Variants in CST4 observed in about 807,000 individuals in gnomAD.
CST4 encodes the protein cystatin-S.
CST4 carries 17 observed loss-of-function variants against 11.2 expected under a neutral mutation model. The ratio of observed to expected loss-of-function variants is 1.52; its 90% CI spans 1.04 to 2.27. The LOEUF (loss-of-function observed/expected upper bound fraction) is 2.27. CST4 is among the 30% of genes most tolerant of loss of function. CST4 has a pLI of 0.00. For synonymous variants in CST4, 93 were observed against 70.1 expected (o/e 1.33, Z -1.63); for missense variants, 251 against 180.2 (o/e 1.39, Z -2.25).
intron 2 of CST4, among the ~76,000 whole-genome samples, chr20:23,686,725 C>T (rs530250121): frequency 7.9e-5 from 12 of 152,220 alleles, no homozygotes; most frequent in Admixed American, 2.0e-4. Flanking sequence ...ACATCACCCC[C>T]TCCCTCACCA....
At chr20:23,686,834 A>G (rs1981058978) in intron 2 of CST4, among the ~76,000 whole-genome samples, 2 of 151,926 alleles carry the variant, frequency 1.3e-5, no homozygotes, top group South Asian at 4.1e-4. Flanking sequence ...ACACACCCAC[A>G]CACAGGCACA....
rs1319777885 is a variant in CST4, at chr20:23,687,199, G to T, written c.231C>A (p.Thr77=). The T allele has an allele frequency of 2.5e-6, 4 of 1,613,716 alleles. No homozygotes were observed. Among genetic ancestry groups the T allele is most frequent in the Non-Finnish European group, 3.4e-6 (4 of 1,180,018 alleles). Residue 77 remains threonine (T), a splice_region_variant and synonymous_variant, in exon 2 of 3, where the codon ACC becomes ACA. Transcript: ENST00000217423. The part of the protein sequence containing the change: ...PLQVLRAREQ[T]FGGVNYFFDV... ...CGAAGAAGTAATTCACCCCCCCAAA[G>T]GTCTGCACACAGGAGAAAACAGGAA... is the stretch of plus-strand genomic sequence containing the variant.
chr20:23,688,699 C>T, intron 1 of CST4, 43 bp downstream of exon 1: 1 of 1,595,546 alleles, frequency 6.3e-7, no homozygotes, highest in Non-Finnish European at 8.6e-7. Context: ...CGGCAACAAA[C>T]CAGGCTAGGG....
chr20:23,685,796 G>A lies in CST4; in HGVS notation c.*98C>T. 2.4e-6 allele frequency: 3 copies of A among 1,267,392 alleles called. No homozygotes were observed. The highest frequency in any genetic ancestry group is 3.4e-6 in the Non-Finnish European group (3 of 884,990). The allele number at this position is 1,267,392 out of a possible 1,614,324, so 78.5% of individuals were successfully genotyped here. A position where few individuals can be genotyped will look rare whatever the true frequency, so the allele number is the denominator to read the frequency against. ...CTGTCTCTTGGCACAGGCACATGGGGAGGCCTCCCGCAGGGTGGGGGCCAC... is the reference window on the plus strand; with the variant it reads ...CTGTCTCTTGGCACAGGCACATGGGAAGGCCTCCCGCAGGGTGGGGGCCAC... On this transcript the variant is annotated 3_prime_UTR_variant, in exon 3 of 3. Transcript: ENST00000217423.
Position 23,685,646 on chromosome 20 carries a change from G to T in CST4, c.*248C>A, listed in dbSNP as rs191804321. The T allele has an allele frequency of 1.8e-4, 101 of 559,160 alleles. No individual in the cohort carries two copies. In the East Asian group the frequency reaches 2.4e-3, roughly 13 times the overall value. 34.6% of individuals were successfully genotyped at this position (559,160 alleles called of 1,614,324 possible). On this transcript the variant is annotated 3_prime_UTR_variant, in exon 3 of 3. Transcript: ENST00000217423. Reference sequence around the variant, plus strand: ...AGCCAAGAACTCAGAGGGAGGCGATGCTACTGTTTAATTGCAGGAGGTGGG... The same window carrying T: ...AGCCAAGAACTCAGAGGGAGGCGATTCTACTGTTTAATTGCAGGAGGTGGG...
At chr20:23,688,685 G>A in intron 1 of CST4, 57 bp downstream of exon 1, 1 of 1,516,364 alleles carries the variant, frequency 6.6e-7, no homozygotes. Context: ...TGCTCTTGGG[G>A]GTCCGGCAAC....
intron 2 of CST4, among the ~76,000 whole-genome samples, chr20:23,686,392 G>A (rs1199890034): frequency 6.6e-6 from 1 of 152,150 alleles, no homozygotes; most frequent in Non-Finnish European, 1.5e-5. Context: ...AAGAGCTGGG[G>A]CATGGGTCAA....
At chr20:23,688,238 A>G (rs1330143964) in intron 1 of CST4, among the ~76,000 whole-genome samples, 1 of 152,222 alleles carries the variant, frequency 6.6e-6, no homozygotes, top group African/African-American at 2.4e-5. Flanking sequence ...GGACTCAGCC[A>G]TCCTGGCCTG....
chr20:23,688,289 C>T (rs1032135748), intron 1 of CST4, among the ~76,000 whole-genome samples: 1 of 152,220 alleles, frequency 6.6e-6, no homozygotes, highest in Non-Finnish European at 1.5e-5. Flanking sequence ...GGCCACTAGC[C>T]CTAAGGGGCT....
chr20:23,687,997 C>A (rs1981102390), intron 1 of CST4, among the ~76,000 whole-genome samples: 1 of 152,206 alleles, frequency 6.6e-6, no homozygotes, highest in Non-Finnish European at 1.5e-5. Context: ...AGAAACGGGA[C>A]TGGTCTGGAT....
At position 23,688,808 on chromosome 20, in the gene CST4, C is replaced by T. The variant is rs1208206903; in HGVS notation, c.162G>A (p.Glu54=). ...ACTCATCTTCGGTGGCCTTGTTGTACTCGCTGATGGCGAAGTGAAGGGCAC... is the reference window on the plus strand; with the variant it reads ...ACTCATCTTCGGTGGCCTTGTTGTATTCGCTGATGGCGAAGTGAAGGGCAC... ...VQRALHFAIS[E]YNKATEDEYY... Residue 54 remains glutamate, a synonymous_variant, in exon 1 of 3, where the codon GAG becomes GAA. Transcript: ENST00000217423. 1 of 1,614,060 alleles carries T rather than the reference C, an allele frequency of 6.2e-7. No individual in the cohort carries two copies. The highest frequency in any genetic ancestry group is 1.7e-5 in the Admixed American group (1 of 60,008).
intron 2 of CST4, 76 bp from the exon 3 acceptor site, chr20:23,686,053 C>G (rs2282378): frequency 0.41 from 599,545 of 1,468,442 alleles, 133,069 homozygotes; most frequent in African/African-American, 0.84. Flanking sequence ...TGAGATGTCA[C>G]AGCCTGGGTG....
chr20:23,688,891 TCTC>T lies in CST4; in HGVS notation c.76_78del (p.Glu26del), dbSNP rs763634501. 3.1e-6 allele frequency: 5 copies of T among 1,614,044 alleles called. No individual in the cohort carries two copies. Among genetic ancestry groups the T allele is most frequent in the East Asian group, 4.5e-5 (2 of 44,844 alleles). ...TAGATGCCACCTGGGATTATCCTAT[TCTC>T]CTCCTTGGAGCTCGAGGCCAGAGCC... is the stretch of plus-strand genomic sequence containing the variant. On this transcript the variant is annotated inframe_deletion, in exon 1 of 3. Transcript: ENST00000217423.
Position 23,688,925 on chromosome 20 carries a change from CAGG to C in CST4, c.42_44del (p.Leu15del). Reference sequence around the variant, plus strand: ...TGGAGCTCGAGGCCAGAGCCCCAGCCAGGGTAGCCATCAGGAGTAGCAGGGTAC... The same window carrying C: ...TGGAGCTCGAGGCCAGAGCCCCAGCCGTAGCCATCAGGAGTAGCAGGGTAC... On this transcript the variant is annotated inframe_deletion, in exon 1 of 3. Coordinates refer to ENST00000217423, the MANE Select transcript of CST4 (RefSeq NM_001899.3). The C allele has an allele frequency of 6.2e-7, 1 of 1,613,886 alleles. No homozygotes were observed. Among genetic ancestry groups the C allele is most frequent in the East Asian group, 2.2e-5 (1 of 44,862 alleles).
At chr20:23,687,724 C>A (rs766859422) in intron 1 of CST4, among the ~76,000 whole-genome samples, 7 of 152,222 alleles carry the variant, frequency 4.6e-5, no homozygotes, top group Non-Finnish European at 4.4e-5. Flanking sequence ...CTGCACAGGG[C>A]CTCTCCCAGA....
At chr20:23,686,117 G>A in intron 2 of CST4, 140 bp from the exon 3 acceptor site, 2 of 873,986 alleles carry the variant, frequency 2.3e-6, no homozygotes, top group Non-Finnish European at 3.7e-6. Context: ...GAGTCCCAGA[G>A]CACTGAACTA....
chr20:23,687,865 C>A (rs1600383750), intron 1 of CST4, among the ~76,000 whole-genome samples: 1 of 152,198 alleles, frequency 6.6e-6, no homozygotes, highest in East Asian at 1.9e-4. Flanking sequence ...GTCTGCAATG[C>A]CCTGTGCTTC....
In CST4 at chr20:23,688,926, A is replaced by T. The variant is rs1192824277; in HGVS notation, c.44T>A (p.Leu15Gln). 2 of 1,614,162 alleles carry T rather than the reference A, an allele frequency of 1.2e-6. No individual in the cohort carries two copies. The highest frequency in any genetic ancestry group is 1.3e-5 in the African/African-American group (1 of 75,050). Reference protein sequence around the residue: ...LCTLLLLMATLAGALASSSKE... With the variant: ...LCTLLLLMATQAGALASSSKE... ...GGAGCTCGAGGCCAGAGCCCCAGCC[A>T]GGGTAGCCATCAGGAGTAGCAGGGT... The change falls in exon 1 of 3, where the codon CTG becomes CAG. Residue 15 changes from leucine (L) to glutamine (Q), a missense_variant. Coordinates refer to ENST00000217423, the MANE Select transcript of CST4 (RefSeq NM_001899.3).
chr20:23,687,016 T>C, intron 2 of CST4, 72 bp downstream of exon 2: 2 of 1,594,072 alleles, frequency 1.3e-6, no homozygotes, highest in Non-Finnish European at 1.7e-6. Flanking sequence ...CAAACATGGG[T>C]AGGACAGAGG....
Sources: allele counts gnomAD v4.1 joint callset (sites outside exome capture counted in the v4.1 genomes callset), GRCh38; gene constraint gnomAD v4.1.1; transcripts MANE v1.5; gene names NCBI Gene and HGNC (gene_info 2026-07-23, HGNC 2026-07-21).